The following PDE4D variants were observed in gnomAD, a reference collection of about 807,000 sequenced individuals.
The protein encoded by PDE4D is 3',5'-cyclic-AMP phosphodiesterase 4D.
A neutral mutation model predicts 87.4 loss-of-function variants in PDE4D; 24 were observed. The ratio of observed to expected loss-of-function variants is 0.27; its 90% CI spans 0.20 to 0.39. The LOEUF is 0.39. Ranked by LOEUF, PDE4D falls within the 10% of genes least tolerant of loss-of-function variation. The probability of loss-of-function intolerance (pLI) is 1.00; values close to 1 mark genes in which losing one functional copy is unlikely to be tolerated. For missense variants in PDE4D, 714 were observed against 1,041.0 expected (o/e 0.69, Z 4.32); for synonymous variants, 384 against 383.2 (o/e 1.00, Z -0.02).
chr5:59,781,604 G>A (rs949876796), intron 1 of PDE4D, among the ~76,000 whole-genome samples: 3 of 151,808 alleles, frequency 2.0e-5, no homozygotes, highest in African/African-American at 7.3e-5. Context: ...TGGCCAAGAT[G>A]ATGAAACCTC....
chr5:60,339,056 G>A (rs73106773), intron 1 of PDE4D, among the ~76,000 whole-genome samples: 8,363 of 152,140 alleles, frequency 0.055, 775 homozygotes, highest in African/African-American at 0.19. Flanking sequence ...TGCACACTGT[G>A]GCCATAACCT....
intron 1 of PDE4D, among the ~76,000 whole-genome samples, chr5:59,737,347 T>TA (rs1163669713): frequency 3.9e-5 from 6 of 152,152 alleles, no homozygotes; most frequent in African/African-American, 1.4e-4. Context: ...TTAAATTCCC[T>TA]AGCTTTGTTT....
chr5:59,579,882 G>A (rs1016396680), intron 1 of PDE4D, among the ~76,000 whole-genome samples: 5 of 152,206 alleles, frequency 3.3e-5, no homozygotes, highest in Admixed American at 6.5e-5. Flanking sequence ...AGGCCACAGT[G>A]ACCTTGGAAA....
chr5:60,028,313 A>G (rs553627834), intron 2 of PDE4D, among the ~76,000 whole-genome samples: 7 of 152,248 alleles, frequency 4.6e-5, no homozygotes, highest in African/African-American at 1.2e-4. Context: ...TACAATGTAC[A>G]TTATTTGAGT....
intron 5 of PDE4D, among the ~76,000 whole-genome samples, chr5:59,087,410 T>G (rs1345924684): frequency 6.6e-6 from 1 of 152,008 alleles, no homozygotes; most frequent in African/African-American, 2.4e-5. Flanking sequence ...CGTTTGAGCC[T>G]GGGAGGTCAA....
At chr5:59,046,766 CAAAG>C (rs770389266) in intron 5 of PDE4D, among the ~76,000 whole-genome samples, 34 of 152,086 alleles carry the variant, frequency 2.2e-4, no homozygotes, top group Non-Finnish European at 3.7e-4. Context: ...AGAGAAGAGT[CAAAG>C]AAAGAGGAGA....
chr5:60,236,104 G>A (rs935724750), intron 1 of PDE4D, among the ~76,000 whole-genome samples: 3 of 151,794 alleles, frequency 2.0e-5, no homozygotes, highest in Non-Finnish European at 4.4e-5. Flanking sequence ...AAAATTACTC[G>A]AAATGGGTGG....
At chr5:60,407,066 G>T (rs1027054464) in intron 1 of PDE4D, among the ~76,000 whole-genome samples, 1 of 152,156 alleles carries the variant, frequency 6.6e-6, no homozygotes, top group African/African-American at 2.4e-5. Context: ...CGGAAAAAGC[G>T]GAGGCCAAGC....
chr5:59,216,096 G>A, intron 1 of PDE4D, 128 bp from the exon 2 acceptor site: 1 of 644,132 alleles, frequency 1.6e-6, no homozygotes. Flanking sequence ...GCTAATTTCT[G>A]CCATAAAAAT....
intron 1 of PDE4D, chr5:60,372,808 G>C (rs960476916): frequency 3.9e-5 from 6 of 152,128 alleles, no homozygotes; most frequent in African/African-American, 1.4e-4. Flanking sequence ...AGACTTAAAG[G>C]ATAATGTGCT....
At chr5:60,040,976 A>G (rs2152867698) in intron 2 of PDE4D, among the ~76,000 whole-genome samples, 1 of 152,314 alleles carries the variant, frequency 6.6e-6, no homozygotes, top group South Asian at 2.1e-4. Flanking sequence ...ATTAAAATAA[A>G]AGTATTTTAG....
intron 5 of PDE4D, among the ~76,000 whole-genome samples, chr5:59,163,107 C>CTTT (rs534025246): frequency 1.5e-5 from 2 of 129,836 alleles, no homozygotes; most frequent in Admixed American, 7.9e-5. Context: ...TGCCTGGCTA[C>CTTT]TTTTTTTTTT....
chr5:59,834,407 C>T (rs946410452), intron 1 of PDE4D, among the ~76,000 whole-genome samples: 5 of 151,946 alleles, frequency 3.3e-5, no homozygotes, highest in Non-Finnish European at 7.4e-5. Flanking sequence ...AAATAATGAT[C>T]ATAGTTGCAT....
intron 1 of PDE4D, among the ~76,000 whole-genome samples, chr5:60,455,792 A>G (rs889516773): frequency 9.2e-5 from 14 of 152,172 alleles, no homozygotes; most frequent in African/African-American, 3.1e-4. Context: ...CTGTTGTTAC[A>G]CATGCAGACC....
At chr5:59,550,468 C>T (rs1009887756) in intron 1 of PDE4D, among the ~76,000 whole-genome samples, 1 of 152,134 alleles carries the variant, frequency 6.6e-6, no homozygotes, top group Non-Finnish European at 1.5e-5. Context: ...ACTTTCATTG[C>T]TAATGAATAA....
chr5:59,910,392 A>G (rs73099573), intron 3 of PDE4D, among the ~76,000 whole-genome samples: 5,811 of 152,314 alleles, frequency 0.038, 333 homozygotes, highest in African/African-American at 0.12. Context: ...TGAATTGCAC[A>G]TCGTCTACTT....
chr5:59,589,152 A>G lies in PDE4D; in HGVS notation c.455+304016T>C, dbSNP rs77859484. On this transcript the variant is annotated intron_variant, in intron 1 of 14. Transcript: ENST00000340635. ...TGTTAAGTAGCATGTCTGAGGTTAA[A>G]TATCTAGTGAGTCACTATCTGAATC... Among the ~76,000 whole-genome samples, 820 of 152,304 alleles carry G rather than the reference A, an allele frequency of 5.4e-3. 10 individuals carry two copies. Among genetic ancestry groups the G allele is most frequent in the African/African-American group, 0.019 (791 of 41,560 alleles).
chr5:59,765,267 A>G (rs1303789563), intron 1 of PDE4D, among the ~76,000 whole-genome samples: 1 of 152,218 alleles, frequency 6.6e-6, no homozygotes, highest in Non-Finnish European at 1.5e-5. Context: ...CAGCCCTATC[A>G]AACAACAGAA....
chr5:60,219,030 C>T (rs2149591485), intron 1 of PDE4D, among the ~76,000 whole-genome samples: 1 of 152,246 alleles, frequency 6.6e-6, no homozygotes, highest in East Asian at 1.9e-4. Flanking sequence ...CCATACATGA[C>T]ACAGCATTAA....
Sources: allele counts gnomAD v4.1 joint callset (sites outside exome capture counted in the v4.1 genomes callset), GRCh38; gene constraint gnomAD v4.1.1; transcripts MANE v1.5; gene names NCBI Gene and HGNC (gene_info 2026-07-23, HGNC 2026-07-21).